Variants in TPST1 observed in about 807,000 individuals in gnomAD.
TPST1 encodes protein-tyrosine sulfotransferase 1.
Under a neutral mutation model 34.8 loss-of-function variants are expected in TPST1, and 20 were observed. The ratio of observed to expected loss-of-function variants is 0.57; its 90% CI spans 0.40 to 0.84. The LOEUF (loss-of-function observed/expected upper bound fraction) is 0.84, where lower values mean the gene tolerates loss of function less well. Among genes scored for constraint, TPST1 ranks in the 40% least tolerant of loss-of-function variants. The pLI is 0.00. For missense variants in TPST1, 353 were observed against 455.5 expected (o/e 0.78, Z 2.05); for synonymous variants, 152 against 159.4 (o/e 0.95, Z 0.35).
chr7:66,356,744 C>A, intron 4 of TPST1, 81 bp from the exon 5 acceptor site: 2 of 1,541,960 alleles, frequency 1.3e-6, no homozygotes, highest in South Asian at 2.3e-5. Context: ...GCGGGCCACC[C>A]CTCATGTTTC....
chr7:66,215,575 C>T (rs1424013597), intron 1 of TPST1, among the ~76,000 whole-genome samples: 1 of 151,534 alleles, frequency 6.6e-6, no homozygotes, highest in African/African-American at 2.4e-5. Flanking sequence ...GGGGTTTCAC[C>T]ATGTTAGCCA....
At chr7:66,336,495 A>C (rs1792124665) in intron 3 of TPST1, among the ~76,000 whole-genome samples, 1 of 152,242 alleles carries the variant, frequency 6.6e-6, no homozygotes, top group Non-Finnish European at 1.5e-5. Context: ...AAGCTTTAGC[A>C]GCAGACTTAA....
chr7:66,233,174 G>T (rs1157713255), intron 1 of TPST1, among the ~76,000 whole-genome samples: 1 of 151,782 alleles, frequency 6.6e-6, no homozygotes, highest in Non-Finnish European at 1.5e-5. Flanking sequence ...TTTCTTGGTG[G>T]TGTCCTTTGA....
At chr7:66,310,212 G>T (rs1031839969) in intron 3 of TPST1, among the ~76,000 whole-genome samples, 2 of 152,202 alleles carry the variant, frequency 1.3e-5, no homozygotes, top group Non-Finnish European at 2.9e-5. Context: ...TTCTGGGAGA[G>T]ATTTAGCTTT....
At position 66,228,406 on chromosome 7, in the gene TPST1, A is replaced by C. The variant is rs530768635; in HGVS notation, c.-101-11919A>C. Among the ~76,000 whole-genome samples, 14 of 152,346 alleles carry C rather than the reference A, an allele frequency of 9.2e-5. No individual in the cohort carries two copies. The East Asian group carries it at 2.7e-3, about 29-fold the overall frequency. On this transcript the variant is annotated intron_variant, in intron 1 of 5. Transcript: ENST00000304842. The stretch of plus-strand genomic sequence containing the variant: ...CTGTTGCATTCTGACATGTATCAGA[A>C]GTTGGCAAGTTAAGTGTAATTTAAA...
At chr7:66,359,188 TAAAG>T (rs1198412352) in intron 5 of TPST1, 2 of 140,490 alleles carry the variant, frequency 1.4e-5, no homozygotes, top group Admixed American at 7.2e-5. Flanking sequence ...CTGGGACACT[TAAAG>T]AACCTTAGGA....
At chr7:66,271,968 T>C (rs372157981) in intron 2 of TPST1, among the ~76,000 whole-genome samples, 1 of 152,210 alleles carries the variant, frequency 6.6e-6, no homozygotes, top group South Asian at 2.1e-4. Context: ...ACATACACTC[T>C]AGTAGATTCT....
chr7:66,200,737 A>AT (rs746103711), upstream of TPST1, among the ~76,000 whole-genome samples: 8 of 145,422 alleles, frequency 5.5e-5, no homozygotes, highest in East Asian at 1.1e-3. Flanking sequence ...TCTTTTTTTA[A>AT]TTTTTTTGAG....
intron 3 of TPST1, among the ~76,000 whole-genome samples, chr7:66,337,631 A>T (rs749541420): frequency 1.3e-5 from 2 of 152,166 alleles, no homozygotes; most frequent in Non-Finnish European, 2.9e-5. Flanking sequence ...AAAAACAGTA[A>T]CTACAACGGT....
chr7:66,321,737 C>T (rs973426790), intron 3 of TPST1, among the ~76,000 whole-genome samples: 10 of 152,190 alleles, frequency 6.6e-5, no homozygotes, highest in African/African-American at 2.4e-4. Flanking sequence ...TCTACTTTGC[C>T]AATACCTTGT....
Position 66,305,024 on chromosome 7 carries a change from G to T in TPST1, c.1044+18315G>T, listed in dbSNP as rs571059210. Among the ~76,000 whole-genome samples the T allele has an allele frequency of 5.7e-4, 87 of 151,972 alleles. 2 individuals carry two copies. Among genetic ancestry groups the T allele is most frequent in the Middle Eastern group, 3.4e-3 (1 of 294 alleles). ...TAGAGACAAGAGGTATCACTGTGTT[G>T]CCCAGGCTGCTCTTGAACTCCTGGC... On this transcript the variant is annotated intron_variant, in intron 3 of 5. Coordinates refer to ENST00000304842, the MANE Select transcript of TPST1 (RefSeq NM_003596.4).
chr7:66,315,625 G>T (rs567657955), intron 3 of TPST1, among the ~76,000 whole-genome samples: 1 of 152,182 alleles, frequency 6.6e-6, no homozygotes, highest in Admixed American at 6.5e-5. Flanking sequence ...TCTCTGATGC[G>T]CAAGAACTGA....
chr7:66,350,524 A>C (rs145843529), intron 3 of TPST1, among the ~76,000 whole-genome samples: 2,384 of 151,752 alleles, frequency 0.016, 25 homozygotes, highest in Non-Finnish European at 0.026. Flanking sequence ...CCTAGACTGT[A>C]ACGGAGAACA....
chr7:66,329,652 G>A (rs147661771), intron 3 of TPST1, among the ~76,000 whole-genome samples: 1 of 152,186 alleles, frequency 6.6e-6, no homozygotes, highest in African/African-American at 2.4e-5. Flanking sequence ...TAAATATAAT[G>A]CATTAGTTGT....
At chr7:66,306,990 AC>A (rs1173457268) in intron 3 of TPST1, among the ~76,000 whole-genome samples, 3 of 152,110 alleles carry the variant, frequency 2.0e-5, no homozygotes, top group African/African-American at 7.2e-5. Context: ...TGCTGGGATT[AC>A]AGGTGTGAGC....
chr7:66,251,551 C>G (rs1790261972), intron 2 of TPST1, among the ~76,000 whole-genome samples: 1 of 152,134 alleles, frequency 6.6e-6, no homozygotes, highest in Admixed American at 6.5e-5. Flanking sequence ...GTCTTGAAGT[C>G]ATGAAATGTT....
At chr7:66,221,437 A>G (rs567274025) in intron 1 of TPST1, among the ~76,000 whole-genome samples, 1 of 152,284 alleles carries the variant, frequency 6.6e-6, no homozygotes, top group East Asian at 1.9e-4. Context: ...TCATTGACCA[A>G]TGGAGGAAAG....
chr7:66,245,696 A>G (rs552613924), intron 2 of TPST1, among the ~76,000 whole-genome samples: 2 of 152,340 alleles, frequency 1.3e-5, no homozygotes, highest in South Asian at 4.1e-4. Flanking sequence ...AGATAACTCA[A>G]TAGCCACTTG....
In TPST1 at chr7:66,328,886, C is replaced by CTCTA. The variant is rs757168858; in HGVS notation, c.1045-23618_1045-23617insCTAT. Among the ~76,000 whole-genome samples the CTCTA allele has an allele frequency of 1.5e-3, 34 of 22,090 alleles. 1 individual carries two copies. Among genetic ancestry groups the CTCTA allele is most frequent in the East Asian group, 6.7e-3 (7 of 1,040 alleles). 14.5% of individuals were successfully genotyped at this position (22,090 alleles called of 152,430 possible). A position where few individuals can be genotyped will look rare whatever the true frequency, so the allele number is the denominator to read the frequency against. On this transcript the variant is annotated intron_variant, in intron 3 of 5. Transcript: ENST00000304842. ...TCTCTCTCTCTCTCTCTCTCTCTCTCTATATATATATATATATATATTTTT... is the reference window on the plus strand; with the variant it reads ...TCTCTCTCTCTCTCTCTCTCTCTCTCTCTATATATATATATATATATATATTTTT...
Sources: gnomAD v4.1 joint callset for allele counts (sites outside exome capture counted in the v4.1 genomes callset) on GRCh38, gnomAD v4.1.1 for gene constraint, MANE v1.5 for transcripts, NCBI Gene and HGNC (gene_info 2026-07-23, HGNC 2026-07-21) for gene names.